The following FHAD1 variants were observed in gnomAD, a reference collection of about 807,000 sequenced individuals.
FHAD1 encodes the protein forkhead associated phosphopeptide binding domain 1.
Under a neutral mutation model 191.3 loss-of-function variants are expected in FHAD1, and 146 were observed. That is an observed-to-expected ratio of 0.76 (90% CI 0.67 to 0.88). The LOEUF is 0.88. Ranked by LOEUF, FHAD1 falls within the 40% of genes least tolerant of loss-of-function variation. The pLI is 0.00. For synonymous variants in FHAD1, 616 were observed against 672.3 expected (o/e 0.92, Z 1.29); for missense variants, 1,635 against 1,785.8 (o/e 0.92, Z 1.52).
rs996234761 is a variant in FHAD1 at position 15,360,469 on chromosome 1, G to C, written c.2737-9G>C. The C allele has an allele frequency of 6.5e-7, 1 of 1,550,382 alleles. No individual in the cohort carries two copies. Among genetic ancestry groups the C allele is most frequent in the Non-Finnish European group, 8.7e-7 (1 of 1,146,546 alleles). ...CCAAGACCTCACTGAGTGACTCTCT[G>C]TTTCCCAGATCATGGTGGAAGAGCG... On this transcript the variant is annotated splice_polypyrimidine_tract_variant and intron_variant, in intron 21 of 33. Transcript: ENST00000688493.
intron 31 of FHAD1, among the ~76,000 whole-genome samples, chr1:15,385,092 A>C (rs1004251957): frequency 6.6e-6 from 1 of 151,256 alleles, no homozygotes; most frequent in South Asian, 2.1e-4. Flanking sequence ...ACATGTCATC[A>C]GAAACTCCTG....
downstream of FHAD1, among the ~76,000 whole-genome samples, chr1:15,399,120 C>A (rs1010098195): frequency 7.2e-5 from 11 of 152,128 alleles, no homozygotes; most frequent in Non-Finnish European, 1.6e-4. Context: ...CCGCGGCCAG[C>A]CTACTTTTTT....
chr1:15,354,302 A>G (rs1451148500), intron 20 of FHAD1, among the ~76,000 whole-genome samples: 2 of 152,204 alleles, frequency 1.3e-5, no homozygotes, highest in Admixed American at 1.3e-4. Context: ...GCGCTGATGC[A>G]CTTTAAACAA....
chr1:15,252,001 C>T, intron 2 of FHAD1, 124 bp downstream of exon 2: 2 of 806,962 alleles, frequency 2.5e-6, no homozygotes, highest in East Asian at 5.4e-5. Flanking sequence ...GCAGCCATAC[C>T]TTTCCTTGGT....
chr1:15,249,047 A>G (rs1646446952), intron 1 of FHAD1, among the ~76,000 whole-genome samples: 1 of 152,190 alleles, frequency 6.6e-6, no homozygotes, highest in Admixed American at 6.5e-5. Flanking sequence ...CAGGAAACCC[A>G]TGGAGAATTG....
intron 2 of FHAD1, among the ~76,000 whole-genome samples, chr1:15,262,494 C>T (rs7518620): frequency 0.14 from 21,304 of 152,182 alleles, 1,745 homozygotes; most frequent in Middle Eastern, 0.21. Flanking sequence ...TGGCCTCTAA[C>T]GCCTGGGCTC....
rs1701006635 is a variant in FHAD1 at position 15,381,923 on chromosome 1, G to A, written c.4023-105G>A. 1 of 1,257,146 alleles carries A rather than the reference G, an allele frequency of 8.0e-7. No homozygotes were observed. Among genetic ancestry groups the A allele is most frequent in the Non-Finnish European group, 1.1e-6 (1 of 905,190 alleles). 77.9% of individuals were successfully genotyped at this position (1,257,146 alleles called of 1,614,324 possible). On this transcript the variant is annotated intron_variant, in intron 30 of 33. Transcript: ENST00000688493. The surrounding 1 kb of genome is among the most constrained non-coding windows in gnomAD (Gnocchi z 4.6). ...CCTGCTTGTGATGACACTCCTGAGT[G>A]AGCCCCCACTGTGGATGTATTTTGA...
intron 5 of FHAD1, among the ~76,000 whole-genome samples, chr1:15,300,546 T>C (rs902636448): frequency 1.3e-5 from 2 of 152,220 alleles, no homozygotes; most frequent in Non-Finnish European, 2.9e-5. Context: ...CGTCCCCAGA[T>C]GTTAGACTGA....
intron 11 of FHAD1, chr1:15,324,841 G>A (rs961585843): frequency 4.3e-6 from 2 of 470,038 alleles, no homozygotes; most frequent in Admixed American, 3.3e-5. Flanking sequence ...CCAGTTAACC[G>A]AGCTCCTTGC....
At position 15,381,360 on chromosome 1, in the gene FHAD1, C is replaced by T. The variant is rs1357387133; in HGVS notation, c.3931C>T (p.Leu1311=). ...VNQLRQRDLD[L]VFDKITQLKN... ...CCAGCTTCGACAAAGGGACCTCGACCTGGTGTTTGATAAGATCACCCAACT... is the reference window on the plus strand; with the variant it reads ...CCAGCTTCGACAAAGGGACCTCGACTTGGTGTTTGATAAGATCACCCAACT... The change falls in exon 30 of 34, where the codon CTG becomes TTG. Residue 1311 remains leucine (L), a synonymous_variant. Transcript: ENST00000688493. This position sits in a 1 kb window ranked among gnomAD's most constrained non-coding sequence, Gnocchi z 4.6. 1 of 1,551,658 alleles carries T rather than the reference C, an allele frequency of 6.4e-7. No individual in the cohort carries two copies. Among genetic ancestry groups the T allele is most frequent in the Non-Finnish European group, 8.7e-7 (1 of 1,147,028 alleles).
intron 26 of FHAD1, among the ~76,000 whole-genome samples, chr1:15,371,065 G>C (rs1697935460): frequency 6.6e-6 from 1 of 152,202 alleles, no homozygotes; most frequent in Non-Finnish European, 1.5e-5. Context: ...AACCAGGAAG[G>C]CAGGGGCTGC....
chr1:15,396,667 G>A (rs750088662), intron 33 of FHAD1, among the ~76,000 whole-genome samples: 12 of 151,938 alleles, frequency 7.9e-5, no homozygotes, highest in African/African-American at 1.2e-4. Flanking sequence ...AAAATTAGCC[G>A]GGTGTGGCGG....
chr1:15,277,778 G>T (rs1470518743), intron 3 of FHAD1, among the ~76,000 whole-genome samples: 1 of 152,180 alleles, frequency 6.6e-6, no homozygotes, highest in Non-Finnish European at 1.5e-5. Flanking sequence ...TTTCACCAGG[G>T]ATGCTGCTGA....
rs1007988502 is a variant in FHAD1 at position 15,372,410 on chromosome 1, C to T, written c.3448-2092C>T. On this transcript the variant is annotated intron_variant, in intron 26 of 33. Coordinates refer to ENST00000688493, the MANE Select transcript of FHAD1 (RefSeq NM_001391957.1). ...AAGGAGGAAGAACAAACAGATGTCT[C>T]CTTTGCTCTCCTCTGCGTTCTTTTC... Among the ~76,000 whole-genome samples, 8 of 152,298 alleles carry T rather than the reference C, an allele frequency of 5.3e-5. No homozygotes were observed. In the East Asian group the frequency reaches 1.2e-3, roughly 22 times the overall value.
chr1:15,383,335 G>A, intron 31 of FHAD1: 1 of 435,110 alleles, frequency 2.3e-6, no homozygotes, highest in Non-Finnish European at 4.6e-6. Context: ...GCACCAGCCG[G>A]CGGACACTGC....
At chr1:15,332,434 G>A (rs1311485637) in intron 14 of FHAD1, among the ~76,000 whole-genome samples, 3 of 152,198 alleles carry the variant, frequency 2.0e-5, no homozygotes, top group Admixed American at 6.5e-5. Context: ...GTTGCCAGGT[G>A]TAGTGGCTCA....
chr1:15,308,419 G>GACCACC (rs1671213882), intron 6 of FHAD1, among the ~76,000 whole-genome samples, 194 bp from the exon 7 acceptor site: 1 of 152,166 alleles, frequency 6.6e-6, no homozygotes, highest in African/African-American at 2.4e-5. Context: ...ATGTTTTGAT[G>GACCACC]ACATAGGAAG....
At chr1:15,342,987 G>T (rs1687355259) in intron 16 of FHAD1, among the ~76,000 whole-genome samples, 1 of 151,616 alleles carries the variant, frequency 6.6e-6, no homozygotes, top group Non-Finnish European at 1.5e-5. Flanking sequence ...GTAGAAATGA[G>T]GTCTCTCTCT....
chr1:15,266,838 T>C (rs866719725), intron 2 of FHAD1, among the ~76,000 whole-genome samples: 1 of 152,334 alleles, frequency 6.6e-6, no homozygotes, highest in Middle Eastern at 3.4e-3. Flanking sequence ...AATCATACAA[T>C]ATGTAGCCCT....
Sources: allele counts gnomAD v4.1 joint callset (sites outside exome capture counted in the v4.1 genomes callset), GRCh38; gene constraint gnomAD v4.1.1; non-coding constraint Gnocchi (gnomAD v3.1); transcripts MANE v1.5; gene names NCBI Gene and HGNC (gene_info 2026-07-23, HGNC 2026-07-21).